Variants in MACROD2 observed in about 807,000 individuals in gnomAD.
MACROD2 encodes mono-ADP ribosylhydrolase 2.
A neutral mutation model predicts 70.4 loss-of-function variants in MACROD2; 36 were observed. The observed-to-expected ratio is 0.51, with a 90% CI of 0.39 to 0.68. MACROD2 has a LOEUF of 0.68. MACROD2 is among the 30% of genes least tolerant of loss of function. The probability of loss-of-function intolerance (pLI) is 0.00; values close to 1 mark genes in which losing one functional copy is unlikely to be tolerated. For missense variants in MACROD2, 496 were observed against 538.4 expected (o/e 0.92, Z 0.78); for synonymous variants, 172 against 178.8 (o/e 0.96, Z 0.30).
chr20:14,659,146 C>G (rs979574755), intron 4 of MACROD2, among the ~76,000 whole-genome samples: 1 of 152,084 alleles, frequency 6.6e-6, no homozygotes, highest in African/African-American at 2.4e-5. Context: ...CAATAACTAG[C>G]CTTTTTCATG....
chr20:14,278,388 C>T (rs2082276943), intron 3 of MACROD2, among the ~76,000 whole-genome samples: 1 of 152,116 alleles, frequency 6.6e-6, no homozygotes, highest in Non-Finnish European at 1.5e-5. Context: ...GGCAGGTTAT[C>T]CACTAGTGGA....
chr20:15,474,362 A>G (rs965819264), intron 7 of MACROD2, among the ~76,000 whole-genome samples: 1 of 152,154 alleles, frequency 6.6e-6, no homozygotes. Context: ...GCGAGGCTTC[A>G]TGTTGTCCCA....
chr20:15,280,616 G>A (rs1181401061), intron 6 of MACROD2: 3 of 152,160 alleles, frequency 2.0e-5, no homozygotes, highest in African/African-American at 7.2e-5. Context: ...TTCACATTAG[G>A]ATAATTTTAA....
At chr20:15,248,620 A>G (rs991152045) in intron 6 of MACROD2, among the ~76,000 whole-genome samples, 5 of 152,104 alleles carry the variant, frequency 3.3e-5, no homozygotes, top group Non-Finnish European at 5.9e-5. Flanking sequence ...TGAATATCCA[A>G]CTACCTGGTG....
chr20:14,285,726 A>T (rs2122423721), intron 3 of MACROD2, among the ~76,000 whole-genome samples: 1 of 152,170 alleles, frequency 6.6e-6, no homozygotes, highest in East Asian at 1.9e-4. Flanking sequence ...AACTTTATTA[A>T]CCCACCATTG....
At chr20:14,608,671 G>A (rs929522175) in intron 4 of MACROD2, among the ~76,000 whole-genome samples, 2 of 152,158 alleles carry the variant, frequency 1.3e-5, no homozygotes, top group African/African-American at 4.8e-5. Context: ...TTGACTAGTG[G>A]GAGGATGAGG....
chr20:14,135,279 C>G (rs2054779578), intron 3 of MACROD2, among the ~76,000 whole-genome samples: 1 of 151,796 alleles, frequency 6.6e-6, no homozygotes, highest in Non-Finnish European at 1.5e-5. Flanking sequence ...ATATGAAATA[C>G]AGAAATATAT....
chr20:15,058,505 T>G (rs143666195), intron 5 of MACROD2, among the ~76,000 whole-genome samples: 14 of 152,308 alleles, frequency 9.2e-5, no homozygotes, highest in Admixed American at 2.6e-4. Flanking sequence ...TCCTAAAAAA[T>G]TATTTGTTGT....
intron 5 of MACROD2, among the ~76,000 whole-genome samples, chr20:14,810,891 G>A (rs1353584175): frequency 6.6e-6 from 1 of 151,988 alleles, no homozygotes; most frequent in African/African-American, 2.4e-5. Flanking sequence ...GGGATGTGAA[G>A]GACCTCTTCA....
intron 9 of MACROD2, among the ~76,000 whole-genome samples, chr20:15,870,737 G>A (rs188310065): frequency 6.6e-6 from 1 of 152,150 alleles, no homozygotes; most frequent in South Asian, 2.1e-4. Flanking sequence ...CTAGTCTGGG[G>A]TAGTCTGTAG....
intron 5 of MACROD2, among the ~76,000 whole-genome samples, chr20:14,881,576 C>G (rs2073611618): frequency 1.3e-5 from 2 of 152,062 alleles, no homozygotes; most frequent in Admixed American, 6.6e-5. Flanking sequence ...GCTCTCTTGC[C>G]AGTCAGCTGA....
chr20:14,823,936 A>G (rs1446751834), intron 5 of MACROD2, among the ~76,000 whole-genome samples: 3 of 152,128 alleles, frequency 2.0e-5, no homozygotes, highest in Non-Finnish European at 4.4e-5. Flanking sequence ...TTGCTTGTTG[A>G]CAGAGTAAAA....
intron 3 of MACROD2, among the ~76,000 whole-genome samples, chr20:14,256,161 T>G (rs2082054875): frequency 6.6e-6 from 1 of 152,148 alleles, no homozygotes; most frequent in Non-Finnish European, 1.5e-5. Flanking sequence ...GTTTTGCTAT[T>G]CAGTTTTTAG....
chr20:15,844,419 A>G (rs2064206967), intron 8 of MACROD2, among the ~76,000 whole-genome samples: 1 of 152,266 alleles, frequency 6.6e-6, no homozygotes, highest in Non-Finnish European at 1.5e-5. Context: ...TGTGTGCTCA[A>G]CACAATGCAG....
chr20:14,186,364 TCACTAATAATTAGA>T (rs150434387), intron 3 of MACROD2, among the ~76,000 whole-genome samples: 5,152 of 152,164 alleles, frequency 0.034, 117 homozygotes, highest in Non-Finnish European at 0.051. Flanking sequence ...ATGCTCAACA[TCACTAATAATTAGA>T]GAAATGCAAA....
At chr20:15,873,583 T>A (rs1387515916) in intron 9 of MACROD2, among the ~76,000 whole-genome samples, 1 of 152,126 alleles carries the variant, frequency 6.6e-6, no homozygotes, top group Non-Finnish European at 1.5e-5. Context: ...CAAATATATG[T>A]TGCAAGTGGT....
chr20:14,516,020 TATA>T lies in MACROD2; in HGVS notation c.301+22516_301+22518del, dbSNP rs1044873408. Among the ~76,000 whole-genome samples, 572 of 147,652 alleles carry T rather than the reference TATA, an allele frequency of 3.9e-3. 2 individuals are homozygous for T. The highest frequency in any genetic ancestry group is 7.2e-3 in the Middle Eastern group (2 of 278). Reference sequence around the variant, plus strand: ...TATATATTATATACTTTATATAAAATATAATATACTTTATAGTATCTATTTTAT... The same window carrying T: ...TATATATTATATACTTTATATAAAATATATACTTTATAGTATCTATTTTAT... On this transcript the variant is annotated intron_variant, in intron 4 of 17. Coordinates refer to ENST00000684519, the MANE Select transcript of MACROD2 (RefSeq NM_001351661.2).
At chr20:14,296,738 G>C (rs1275808219) in intron 3 of MACROD2, among the ~76,000 whole-genome samples, 1 of 152,004 alleles carries the variant, frequency 6.6e-6, no homozygotes, top group African/African-American at 2.4e-5. Context: ...ACTTCCGGGA[G>C]TGCTTGCAGT....
At chr20:14,554,936 T>C (rs1978923823) in intron 4 of MACROD2, among the ~76,000 whole-genome samples, 1 of 152,106 alleles carries the variant, frequency 6.6e-6, no homozygotes, top group Non-Finnish European at 1.5e-5. Flanking sequence ...TTTGTTTGTT[T>C]TAATATTTTG....
Sources: allele counts gnomAD v4.1 joint callset (sites outside exome capture counted in the v4.1 genomes callset), GRCh38; gene constraint gnomAD v4.1.1; transcripts MANE v1.5; gene names NCBI Gene and HGNC (gene_info 2026-07-23, HGNC 2026-07-21).